CDKL4: variants seen among roughly 807,000 people sequenced by gnomAD.
CDKL4 encodes the protein cyclin-dependent kinase-like 4.
Under a neutral mutation model 42.0 loss-of-function variants are expected in CDKL4, and 44 were observed. The ratio of observed to expected loss-of-function variants is 1.05; its 90% CI spans 0.82 to 1.35. The LOEUF (loss-of-function observed/expected upper bound fraction) is 1.35, where lower values mean the gene tolerates loss of function less well. Ranked by LOEUF, CDKL4 falls within the 40% of genes most tolerant of loss-of-function variation. CDKL4 has a pLI of 0.00. For synonymous variants in CDKL4, 120 were observed against 121.6 expected, an observed-to-expected ratio of 0.99 and a Z score of 0.09; for missense variants, 393 against 369.9, an observed-to-expected ratio of 1.06 and a Z score of -0.51.
intron 3 of CDKL4, among the ~76,000 whole-genome samples, chr2:39,214,821 G>C (rs908216557): frequency 1.3e-5 from 2 of 152,156 alleles, no homozygotes; most frequent in Non-Finnish European, 2.9e-5. Flanking sequence ...GAATGAGAGG[G>C]TGTAAGCTTC....
Position 39,213,479 on chromosome 2 carries a change from G to A in CDKL4, c.291-7C>T, listed in dbSNP as rs2148353969. ...GATCACTCCATCAGCAACTCTGAGG[G>A]AAAAAATAAAAAAGGAAATGAAAAC... On this transcript the variant is annotated splice_region_variant and splice_polypyrimidine_tract_variant and intron_variant, in intron 3 of 9. Coordinates refer to ENST00000451199, the Ensembl canonical transcript of CDKL4. The A allele has an allele frequency of 6.2e-7, 1 of 1,600,968 alleles. No homozygotes were observed. Among genetic ancestry groups the A allele is most frequent in the Non-Finnish European group, 8.6e-7 (1 of 1,169,414 alleles).
Position 39,185,456 on chromosome 2 carries a change from A to ATG in CDKL4, c.736-811_736-810dup, listed in dbSNP as rs1169973471. Reference sequence around the variant, plus strand: ...TGTATATATACATGTATATATACATATGTGTATATATATATATATATATTT... The same window carrying ATG: ...TGTATATATACATGTATATATACATATGTGTGTATATATATATATATATATTT... On this transcript the variant is annotated intron_variant, in intron 7 of 9. Transcript: ENST00000451199. 2.0e-4 allele frequency among the ~76,000 whole-genome samples: 23 copies of ATG among 112,266 alleles called. 3 individuals carry two copies. The highest frequency in any genetic ancestry group is 8.1e-4 in the African/African-American group (22 of 27,172). The allele number at this position is 112,266 out of a possible 152,430, so 73.7% of individuals were successfully genotyped here.
chr2:39,238,952 A>G (rs911910311), intron 1 of CDKL4, among the ~76,000 whole-genome samples: 3 of 152,184 alleles, frequency 2.0e-5, no homozygotes, highest in African/African-American at 4.8e-5. Flanking sequence ...GGGTTTCACC[A>G]TGTTGGCCAG....
At chr2:39,178,074 G>T (rs1177749568) in intron 9 of CDKL4, among the ~76,000 whole-genome samples, 3 of 152,090 alleles carry the variant, frequency 2.0e-5, no homozygotes, top group African/African-American at 7.2e-5. Flanking sequence ...AATTTTTTTT[G>T]TTGTTATTTA....
intron 2 of CDKL4, among the ~76,000 whole-genome samples, chr2:39,226,552 A>T (rs1201627934): frequency 7.4e-5 from 11 of 148,540 alleles, no homozygotes; most frequent in African/African-American, 2.2e-4. Flanking sequence ...TTGTGTGTTA[A>T]ATTCTATTCC....
intron 7 of CDKL4, among the ~76,000 whole-genome samples, chr2:39,185,192 A>G (rs1208552424): frequency 2.5e-5 from 2 of 78,678 alleles, no homozygotes; most frequent in South Asian, 4.4e-4. Flanking sequence ...GTGTATATAC[A>G]TATATATACA....
At chr2:39,239,657 C>T (rs1165973457) in intron 1 of CDKL4, among the ~76,000 whole-genome samples, 1 of 152,210 alleles carries the variant, frequency 6.6e-6, no homozygotes, top group African/African-American at 2.4e-5. Flanking sequence ...GATAGCATTA[C>T]ATACACATTA....
chr2:39,173,127 G>T (rs950414098), downstream of CDKL4, among the ~76,000 whole-genome samples: 5 of 152,102 alleles, frequency 3.3e-5, 1 homozygote, highest in African/African-American at 1.2e-4. Flanking sequence ...GCAATGGAAT[G>T]CTGTCTTATT....
At chr2:39,215,759 T>C (rs867009050) in intron 3 of CDKL4, among the ~76,000 whole-genome samples, 3 of 152,326 alleles carry the variant, frequency 2.0e-5, no homozygotes, top group South Asian at 4.1e-4. Context: ...GTACACGGTA[T>C]TTTCCTCAGA....
chr2:39,199,641 T>C (rs1676729553), intron 5 of CDKL4, among the ~76,000 whole-genome samples: 1 of 152,150 alleles, frequency 6.6e-6, no homozygotes, highest in Non-Finnish European at 1.5e-5. Flanking sequence ...TAATCCACCA[T>C]GATCAAGTGG....
intron 8 of CDKL4, 21 bp from the exon 9 acceptor site, chr2:39,179,342 A>G: frequency 6.4e-7 from 1 of 1,565,916 alleles, no homozygotes; most frequent in Non-Finnish European, 8.6e-7. Context: ...AGAGAATAGC[A>G]AAGAAGATGT....
chr2:39,244,065 G>C (rs1222473873), upstream of CDKL4, among the ~76,000 whole-genome samples: 1 of 152,178 alleles, frequency 6.6e-6, no homozygotes, highest in East Asian at 1.9e-4. Context: ...GGTTCCCCTG[G>C]CGCTGGCAGC....
At chr2:39,239,247 A>C (rs1261005035) in intron 1 of CDKL4, among the ~76,000 whole-genome samples, 2 of 152,020 alleles carry the variant, frequency 1.3e-5, no homozygotes, top group Admixed American at 6.6e-5. Flanking sequence ...AAACTGTATA[A>C]CTTCTAGAAA....
chr2:39,214,028 T>A (rs1677755573), intron 3 of CDKL4, among the ~76,000 whole-genome samples: 1 of 152,086 alleles, frequency 6.6e-6, no homozygotes, highest in Non-Finnish European at 1.5e-5. Flanking sequence ...AGAAATTTGA[T>A]TCTCCTGCCT....
intron 4 of CDKL4, among the ~76,000 whole-genome samples, chr2:39,208,848 A>T (rs6544210): frequency 3.7e-4 from 56 of 151,968 alleles, no homozygotes; most frequent in Middle Eastern, 3.2e-3. Context: ...ACAATAAATC[A>T]TTTTTTTTAT....
chr2:39,189,277 G>A (rs1676029834), intron 6 of CDKL4, among the ~76,000 whole-genome samples: 1 of 152,146 alleles, frequency 6.6e-6, no homozygotes, highest in African/African-American at 2.4e-5. Flanking sequence ...CTCACTTTTC[G>A]GGTTATGCTG....
rs183239683 is a variant in CDKL4, at chr2:39,232,770, G to C, written c.-56-3182C>G. 5.9e-3 allele frequency among the ~76,000 whole-genome samples: 901 copies of C among 152,202 alleles called. 10 individuals carry two copies. Among genetic ancestry groups the C allele is most frequent in the African/African-American group, 0.021 (852 of 41,506 alleles). The stretch of plus-strand genomic sequence containing the variant: ...AGGTAGAAAAGCAAAGCCTAGCTGG[G>C]CGTGGTGGCTCACTCCTGTAATCCC... On this transcript the variant is annotated intron_variant, in intron 1 of 9. Transcript: ENST00000451199.
At chr2:39,190,262 A>G (rs372664628) in intron 6 of CDKL4, 43 bp downstream of exon 6, 410 of 1,388,282 alleles carry the variant, frequency 3.0e-4, no homozygotes, top group Admixed American at 1.2e-3. Context: ...TATGAATGCT[A>G]TAACAATTCA....
chr2:39,187,801 C>T (rs996633875), intron 6 of CDKL4, 92 bp from the exon 7 acceptor site: 2 of 787,574 alleles, frequency 2.5e-6, no homozygotes, highest in African/African-American at 1.7e-5. Context: ...GGCATGGTGG[C>T]TCACACCTGT....
Sources: gnomAD v4.1 joint callset for allele counts (sites outside exome capture counted in the v4.1 genomes callset) on GRCh38, gnomAD v4.1.1 for gene constraint, MANE v1.5 for transcripts, NCBI Gene and HGNC (gene_info 2026-07-23, HGNC 2026-07-21) for gene names.